Variants in ZFPM2 observed in about 807,000 individuals in gnomAD.
ZFPM2 encodes the protein zinc finger protein ZFPM2.
ZFPM2 carries 20 observed loss-of-function variants against 98.6 expected under a neutral mutation model. The ratio of observed to expected loss-of-function variants is 0.20; its 90% CI spans 0.14 to 0.29. ZFPM2 has a LOEUF of 0.29. ZFPM2 is among the 10% of genes least tolerant of loss of function. The pLI is 1.00. For missense variants in ZFPM2, 1,310 were observed against 1,388.6 expected (o/e 0.94, Z 0.90); for synonymous variants, 518 against 502.7 (o/e 1.03, Z -0.41).
intron 6 of ZFPM2, chr8:105,797,990 T>C (rs1813883770): frequency 6.6e-6 from 1 of 152,190 alleles, no homozygotes; most frequent in African/African-American, 2.4e-5. Flanking sequence ...GAACACAGAG[T>C]TGGGCACATA....
At chr8:105,780,931 C>T (rs1257158444) in intron 5 of ZFPM2, among the ~76,000 whole-genome samples, 4 of 152,160 alleles carry the variant, frequency 2.6e-5, no homozygotes, top group Admixed American at 6.5e-5. Flanking sequence ...TCAAAATGGA[C>T]GTCTTCTCTA....
intron 5 of ZFPM2, among the ~76,000 whole-genome samples, chr8:105,642,681 C>T (rs9656868): frequency 0.071 from 10,838 of 152,030 alleles, 380 homozygotes; most frequent in Admixed American, 0.099. Context: ...ACGATATGGC[C>T]CAGGTGTCAT....
intron 5 of ZFPM2, among the ~76,000 whole-genome samples, chr8:105,759,580 T>TTGTG (rs5893760): frequency 0.012 from 1,743 of 146,964 alleles, 21 homozygotes; most frequent in East Asian, 0.07. Context: ...TTGATAATCC[T>TTGTG]TGTGTGTGTG....
At chr8:105,488,814 G>A (rs1240866069) in intron 3 of ZFPM2, among the ~76,000 whole-genome samples, 1 of 152,046 alleles carries the variant, frequency 6.6e-6, no homozygotes, top group Non-Finnish European at 1.5e-5. Flanking sequence ...AAGAATTGGA[G>A]GAAAAGAGAT....
At chr8:105,699,530 A>G (rs1811094523) in intron 5 of ZFPM2, among the ~76,000 whole-genome samples, 1 of 152,138 alleles carries the variant, frequency 6.6e-6, no homozygotes, top group Non-Finnish European at 1.5e-5. Context: ...TCTTAATGAT[A>G]TAGTTCTTTT....
intron 1 of ZFPM2, among the ~76,000 whole-genome samples, chr8:105,399,357 C>G (rs1167344769): frequency 6.6e-6 from 1 of 152,060 alleles, no homozygotes; most frequent in Non-Finnish European, 1.5e-5. Flanking sequence ...AATAGGGACA[C>G]AAGAAGTAGA....
At chr8:105,350,358 G>A (rs1239966190) in intron 1 of ZFPM2, among the ~76,000 whole-genome samples, 1 of 152,158 alleles carries the variant, frequency 6.6e-6, no homozygotes, top group Non-Finnish European at 1.5e-5. Context: ...ACTCCACATT[G>A]AGCACCTGTC....
chr8:105,614,035 G>A (rs1400570606), intron 4 of ZFPM2, among the ~76,000 whole-genome samples: 2 of 152,102 alleles, frequency 1.3e-5, no homozygotes, highest in East Asian at 3.9e-4. Context: ...GAATCTAGTA[G>A]TTTCCAACAA....
chr8:105,622,709 A>G (rs1264317193), intron 4 of ZFPM2, among the ~76,000 whole-genome samples: 6 of 152,142 alleles, frequency 3.9e-5, no homozygotes, highest in Non-Finnish European at 5.9e-5. Flanking sequence ...AAAGCAAGGA[A>G]GCAGCCTGGC....
At chr8:105,477,828 A>C (rs1813041290) in intron 3 of ZFPM2, among the ~76,000 whole-genome samples, 1 of 152,228 alleles carries the variant, frequency 6.6e-6, no homozygotes, top group Admixed American at 6.5e-5. Context: ...AAGGTTATAT[A>C]ATGAGTTTGA....
chr8:105,336,725 CACACAG>C (rs1234098671), intron 1 of ZFPM2, among the ~76,000 whole-genome samples: 10 of 150,400 alleles, frequency 6.6e-5, no homozygotes, highest in African/African-American at 2.2e-4. Context: ...CACACACACA[CACACAG>C]ACATATACAT....
chr8:105,598,112 C>T (rs574974411), intron 4 of ZFPM2, among the ~76,000 whole-genome samples: 74 of 143,358 alleles, frequency 5.2e-4, no homozygotes, highest in African/African-American at 1.9e-3. Flanking sequence ...TATTCTGCAG[C>T]ATTGGCCCAG....
chr8:105,504,532 C>T (rs1025597017), intron 3 of ZFPM2, among the ~76,000 whole-genome samples: 4 of 152,082 alleles, frequency 2.6e-5, no homozygotes, highest in South Asian at 2.1e-4. Context: ...CAGGCCATCG[C>T]GCTTTTTTAG....
At chr8:105,575,472 G>C (rs1815446771) in intron 4 of ZFPM2, among the ~76,000 whole-genome samples, 1 of 152,156 alleles carries the variant, frequency 6.6e-6, no homozygotes, top group Non-Finnish European at 1.5e-5. Flanking sequence ...TTTTGGACTA[G>C]ATGAGCTAGG....
chr8:105,324,326 G>A (rs1812079208), intron 1 of ZFPM2, among the ~76,000 whole-genome samples: 1 of 151,656 alleles, frequency 6.6e-6, no homozygotes, highest in Admixed American at 6.6e-5. Context: ...TATTATTATA[G>A]TAATGTCCAT....
At chr8:105,600,097 C>T (rs1816061056) in intron 4 of ZFPM2, among the ~76,000 whole-genome samples, 1 of 152,042 alleles carries the variant, frequency 6.6e-6, no homozygotes, top group Non-Finnish European at 1.5e-5. Context: ...CTGAGCCGAC[C>T]ACAATGTTTG....
chr8:105,638,171 C>T (rs190199757), intron 5 of ZFPM2, among the ~76,000 whole-genome samples: 3 of 152,148 alleles, frequency 2.0e-5, no homozygotes, highest in South Asian at 2.1e-4. Flanking sequence ...ATAGCAACTT[C>T]GGTGAAAAGA....
intron 4 of ZFPM2, among the ~76,000 whole-genome samples, chr8:105,619,690 C>T (rs1031628648): frequency 1.1e-4 from 17 of 151,570 alleles, no homozygotes; most frequent in Admixed American, 4.0e-4. Flanking sequence ...CGCCTCCCCC[C>T]ACCCCGCGAC....
At chr8:105,347,301 A>G (rs888063166) in intron 1 of ZFPM2, among the ~76,000 whole-genome samples, 7 of 152,214 alleles carry the variant, frequency 4.6e-5, no homozygotes, top group Non-Finnish European at 7.3e-5. Flanking sequence ...ACTTCCAGTC[A>G]TTGATGTCAA....
Sources: gnomAD v4.1 joint callset for allele counts (sites outside exome capture counted in the v4.1 genomes callset) on GRCh38, gnomAD v4.1.1 for gene constraint, MANE v1.5 for transcripts, NCBI Gene and HGNC (gene_info 2026-07-23, HGNC 2026-07-21) for gene names.